Variants in RUSC2 observed in about 807,000 individuals in gnomAD.
RUSC2 encodes the protein AP-4 complex accessory subunit RUSC2.
A neutral mutation model predicts 122.2 loss-of-function variants in RUSC2; 34 were observed. The ratio of observed to expected loss-of-function variants is 0.28; its 90% CI spans 0.21 to 0.37. RUSC2 has a LOEUF of 0.37. Among genes scored for constraint, RUSC2 ranks in the 10% least tolerant of loss-of-function variants. The pLI, the probability that RUSC2 is intolerant of heterozygous loss-of-function variation, is 1.00. For synonymous variants in RUSC2, 784 were observed against 790.0 expected, an observed-to-expected ratio of 0.99 and a Z score of 0.13; for missense variants, 1,747 against 1,952.4, an observed-to-expected ratio of 0.89 and a Z score of 1.98.
In RUSC2 at chr9:35,546,991, G is replaced by C. The variant is rs1398701857; in HGVS notation, c.470G>C (p.Arg157Thr). The change falls in exon 2 of 12, where the codon AGG becomes ACG. Residue 157 changes from arginine (R) to threonine (T), a missense_variant. Coordinates refer to ENST00000361226, the MANE Select transcript of RUSC2 (RefSeq NM_014806.5). The surrounding 1 kb of genome is among the most constrained non-coding windows in gnomAD (Gnocchi z 4.3). ...CCACCATCTGGCCCCAGAGTGGGCA[G>C]GCCATGGGGGACAACACGCAGTCGG... Reference protein sequence around the residue: ...QLPPSGPRVGRPWGTTRSRAG... With the variant: ...QLPPSGPRVGTPWGTTRSRAG... 6.3e-7 allele frequency: 1 copy of C among 1,599,802 alleles called. No individual in the cohort carries two copies. The highest frequency in any genetic ancestry group is 1.3e-5 in the African/African-American group (1 of 74,782).
intron 1 of RUSC2, among the ~76,000 whole-genome samples, chr9:35,541,208 G>C (rs987878312): frequency 1.3e-5 from 2 of 151,998 alleles, no homozygotes; most frequent in Admixed American, 1.3e-4. Context: ...TGAAAGAGCT[G>C]TCTTCTACTT....
chr9:35,556,125 T>C lies in RUSC2; in HGVS notation c.2830T>C (p.Cys944Arg). Residue 944 changes from cysteine (C) to arginine (R), a missense_variant, in exon 4 of 12, where the codon TGC becomes CGC. Transcript: ENST00000361226. ...GSLSAASHLN[C>R]RLNGQAVKPL... ...CCTCAGTGCTGCCAGCCATCTGAAC[T>C]GCCGGCTGAATGGTGTGTGAGCAGG... 4 of 1,614,146 alleles carry C rather than the reference T, an allele frequency of 2.5e-6. No individual in the cohort carries two copies. Among genetic ancestry groups the C allele is most frequent in the Non-Finnish European group, 3.4e-6 (4 of 1,179,990 alleles).
At chr9:35,536,808 CAAAAAAA>C (rs67604535) in intron 1 of RUSC2, among the ~76,000 whole-genome samples, 2 of 69,620 alleles carry the variant, frequency 2.9e-5, no homozygotes, top group African/African-American at 1.3e-4. Context: ...GAGTGAAACT[CAAAAAAA>C]AAAAAAAAAA....
rs17371809 is a variant in RUSC2 at position 35,557,807 on chromosome 9, G to A, written c.2984-107G>A. On this transcript the variant is annotated intron_variant, in intron 5 of 11. Coordinates refer to ENST00000361226, the MANE Select transcript of RUSC2 (RefSeq NM_014806.5). This position sits in a 1 kb window ranked among gnomAD's most constrained non-coding sequence, Gnocchi z 4.6. ...AAGACCCATGTGCAGATGTGGAGAC[G>A]GAGTAAGTGTGGGAGCCCTTTCCCT... is the stretch of plus-strand genomic sequence containing the variant. 19 of 864,768 alleles carry A rather than the reference G, an allele frequency of 2.2e-5. No individual in the cohort carries two copies. The highest frequency in any genetic ancestry group is 7.3e-5 in the East Asian group (3 of 41,276). The allele number at this position is 864,768 out of a possible 1,614,324, so 53.6% of individuals were successfully genotyped here. A position where few individuals can be genotyped will look rare whatever the true frequency, so the allele number is the denominator to read the frequency against.
At chr9:35,525,447 G>GTGTCTAATTA (rs1470072936) in intron 1 of RUSC2, among the ~76,000 whole-genome samples, 1 of 152,010 alleles carries the variant, frequency 6.6e-6, no homozygotes. Context: ...TGGGGACTGG[G>GTGTCTAATTA]TGTCTAATTA....
At chr9:35,551,602 A>G (rs1024455273) in intron 2 of RUSC2, among the ~76,000 whole-genome samples, 1 of 152,186 alleles carries the variant, frequency 6.6e-6, no homozygotes, top group Non-Finnish European at 1.5e-5. Flanking sequence ...TGTTTTCTCT[A>G]TCAGATTAAG....
chr9:35,535,437 A>ATT (rs112502492), intron 1 of RUSC2, among the ~76,000 whole-genome samples: 102,814 of 144,260 alleles, frequency 0.71, 38,728 homozygotes, highest in Non-Finnish European at 0.86. Context: ...TTTTTGATAG[A>ATT]TTTTTTTTTT....
intron 1 of RUSC2, among the ~76,000 whole-genome samples, chr9:35,505,756 C>A (rs1364975149): frequency 3.9e-5 from 6 of 151,966 alleles, no homozygotes; most frequent in African/African-American, 1.5e-4. Context: ...AGGACAGAAA[C>A]AACATAATCA....
At chr9:35,531,204 T>G (rs557427220) in intron 1 of RUSC2, among the ~76,000 whole-genome samples, 1 of 151,974 alleles carries the variant, frequency 6.6e-6, no homozygotes, top group South Asian at 2.1e-4. Context: ...GAGCTTGCAG[T>G]GAGCTGAGAT....
At chr9:35,491,836 C>A (rs1820574601) in intron 1 of RUSC2, among the ~76,000 whole-genome samples, 1 of 151,572 alleles carries the variant, frequency 6.6e-6, no homozygotes. Context: ...GTAGTCCCAG[C>A]AACTCAGGAG....
chr9:35,525,397 G>A (rs1333948408), intron 1 of RUSC2, among the ~76,000 whole-genome samples: 1 of 152,218 alleles, frequency 6.6e-6, no homozygotes, highest in African/African-American at 2.4e-5. Context: ...ATCCTGAGGA[G>A]CAGGAGACCA....
Position 35,560,325 on chromosome 9 carries a change from G to A in RUSC2, c.3685G>A (p.Val1229Met). Residue 1229 changes from valine (V) to methionine (M), a missense_variant, in exon 10 of 12, where the codon GTG becomes ATG. Coordinates refer to ENST00000361226, the MANE Select transcript of RUSC2 (RefSeq NM_014806.5). The stretch of plus-strand genomic sequence containing the variant: ...GGACAGGGCAGCCCAAGGGGAGCGG[G>A]TGAAGGGTGTGGGTGCCTCAGAAGG... ...DVDRAAQGER[V>M]KGVGASEGGE... 6.2e-7 allele frequency: 1 copy of A among 1,607,646 alleles called. No homozygotes were observed. The highest frequency in any genetic ancestry group is 8.5e-7 in the Non-Finnish European group (1 of 1,176,622).
At position 35,555,342 on chromosome 9, in the gene RUSC2, G is replaced by A. The variant is rs776985685; in HGVS notation, c.2297G>A (p.Gly766Glu). The change falls in exon 3 of 12, where the codon GGG (glycine) becomes GAG (glutamate). Residue 766 changes from glycine to glutamate, a missense_variant. Physicochemically the swap from Gly to Glu is moderately conservative, Grantham distance 98 (BLOSUM62 -2). Coordinates refer to ENST00000361226, the MANE Select transcript of RUSC2 (RefSeq NM_014806.5). This position sits in a 1 kb window ranked among gnomAD's most constrained non-coding sequence, Gnocchi z 4.6. ...ACTGGCAGAGGTGCCAGGAAAGCTG[G>A]GTCTGAGCCAGAGACCTCTCGGCCA... ...RATGRGARKAGSEPETSRPSP... is the reference protein window; with the variant it reads ...RATGRGARKAESEPETSRPSP... 1 of 1,614,208 alleles carries A rather than the reference G, an allele frequency of 6.2e-7. No individual in the cohort carries two copies. Among genetic ancestry groups the A allele is most frequent in the South Asian group, 1.1e-5 (1 of 91,090 alleles).
chr9:35,511,710 C>A (rs1216857803), intron 1 of RUSC2, among the ~76,000 whole-genome samples: 8 of 152,140 alleles, frequency 5.3e-5, no homozygotes. Context: ...TAGCCTCTGT[C>A]CTTAGCATGC....
chr9:35,498,583 G>A (rs753233961), intron 1 of RUSC2, among the ~76,000 whole-genome samples: 11 of 151,874 alleles, frequency 7.2e-5, no homozygotes, highest in Non-Finnish European at 1.5e-5. Context: ...AAGAGGCCAG[G>A]CGCGGTGGCT....
At chr9:35,556,490 C>T (rs370350118) in intron 5 of RUSC2, 42 bp downstream of exon 5, 1 of 1,580,620 alleles carries the variant, frequency 6.3e-7, no homozygotes, top group African/African-American at 1.4e-5. Context: ...TCTGCTGTCA[C>T]TACCTCCTCA....
chr9:35,525,155 T>C (rs576173681), intron 1 of RUSC2, among the ~76,000 whole-genome samples: 12 of 152,186 alleles, frequency 7.9e-5, no homozygotes, highest in Non-Finnish European at 1.8e-4. Flanking sequence ...TTCTTTTCTC[T>C]GAGGTAGTTC....
At chr9:35,495,061 A>C (rs1270828970) in intron 1 of RUSC2, among the ~76,000 whole-genome samples, 1 of 73,052 alleles carries the variant, frequency 1.4e-5, no homozygotes, top group Non-Finnish European at 2.4e-5. Flanking sequence ...AATATATACT[A>C]TAGTATATAT....
At chr9:35,534,277 T>C (rs532185427) in intron 1 of RUSC2, among the ~76,000 whole-genome samples, 3 of 152,276 alleles carry the variant, frequency 2.0e-5, no homozygotes, top group Admixed American at 6.5e-5. Flanking sequence ...GAAATGTTTA[T>C]TCAAATCCTT....
Sources: gnomAD v4.1 joint callset for allele counts (sites outside exome capture counted in the v4.1 genomes callset) on GRCh38, gnomAD v4.1.1 for gene constraint, Gnocchi (gnomAD v3.1) non-coding constraint, MANE v1.5 for transcripts, NCBI Gene and HGNC (gene_info 2026-07-23, HGNC 2026-07-21) for gene names.